The following SLC18A2 variants were observed in gnomAD, a reference collection of about 807,000 sequenced individuals.
SLC18A2 encodes the protein solute carrier family 18 member A2, also known as synaptic vesicular amine transporter.
A neutral mutation model predicts 59.2 loss-of-function variants in SLC18A2; 33 were observed. That is an observed-to-expected ratio of 0.56 (90% CI 0.42 to 0.75). The LOEUF is 0.75. Ranked by LOEUF, SLC18A2 falls within the 30% of genes least tolerant of loss-of-function variation. The pLI, the probability that SLC18A2 is intolerant of heterozygous loss-of-function variation, is 0.00. For missense variants in SLC18A2, 569 were observed against 668.6 expected (o/e 0.85, Z 1.64); for synonymous variants, 228 against 253.5 (o/e 0.90, Z 0.95).
At chr10:117,254,252 A>C (rs1844200787) in intron 5 of SLC18A2, 121 bp downstream of exon 5, 1 of 1,180,996 alleles carries the variant, frequency 8.5e-7, no homozygotes. Context: ...GAAGGCACCC[A>C]CTTTCCTCTT....
chr10:117,242,061 T>C, intron 2 of SLC18A2: 1 of 372,506 alleles, frequency 2.7e-6, no homozygotes, highest in Non-Finnish European at 4.8e-6. Context: ...GAACTTATGT[T>C]TCCCCCTGAT....
intron 15 of SLC18A2, among the ~76,000 whole-genome samples, chr10:117,271,529 C>T (rs928720378): frequency 5.3e-5 from 8 of 152,226 alleles, no homozygotes; most frequent in Non-Finnish European, 7.3e-5. Flanking sequence ...GCACTGGGCA[C>T]TGGCCTTGTG....
chr10:117,256,526 G>A (rs186585359), intron 9 of SLC18A2, among the ~76,000 whole-genome samples: 99 of 152,336 alleles, frequency 6.5e-4, no homozygotes, highest in African/African-American at 2.2e-3. Flanking sequence ...GCTGGAGGGC[G>A]CCTGGGAGAA....
At chr10:117,252,112 C>T (rs1307086718) in intron 3 of SLC18A2, among the ~76,000 whole-genome samples, 1 of 140,886 alleles carries the variant, frequency 7.1e-6, no homozygotes, top group African/African-American at 2.7e-5. Context: ...GTGTGCACTA[C>T]TATGCCTGAC....
chr10:117,257,648 C>A (rs569982528), intron 9 of SLC18A2, 149 bp from the exon 10 acceptor site: 1 of 445,618 alleles, frequency 2.2e-6, no homozygotes, highest in Non-Finnish European at 4.0e-6. Flanking sequence ...TGATAAACAG[C>A]CTTTGCTGTC....
In SLC18A2 at chr10:117,270,056, CCTGA is replaced by C. The variant is rs1340679002; in HGVS notation, c.1187-11_1187-8del. ...CATCCGTTTTCTATACACTGTGTTC[CCTGA>C]CTGTCTTCAGGAATGGTGGATTCGT... On this transcript the variant is annotated splice_polypyrimidine_tract_variant and intron_variant, in intron 13 of 15. Transcript: ENST00000644641. The C allele has an allele frequency of 6.8e-5, 110 of 1,613,948 alleles. No homozygotes were observed. Among genetic ancestry groups the C allele is most frequent in the Non-Finnish European group, 8.6e-5 (102 of 1,179,906 alleles).
chr10:117,242,625 G>A (rs988117765), intron 2 of SLC18A2, among the ~76,000 whole-genome samples: 3 of 152,110 alleles, frequency 2.0e-5, no homozygotes, highest in Non-Finnish European at 4.4e-5. Context: ...AGTACCAACG[G>A]CATTAGTTCT....
intron 8 of SLC18A2, 29 bp downstream of exon 8, chr10:117,255,551 G>T: frequency 6.2e-7 from 1 of 1,614,148 alleles, no homozygotes. Context: ...GGGCCCTGGG[G>T]GAGGGGGCAT....
At position 117,262,780 on chromosome 10, in the gene SLC18A2, C is replaced by T. The variant is rs181965348; in HGVS notation, c.992-3953C>T. ...AACCTCCTGGGCTCAAGCTGTCCTC[C>T]TGCCTCAGCCTCTCAAAGTATTGGG... On this transcript the variant is annotated intron_variant, in intron 10 of 15. Transcript: ENST00000644641. Among the ~76,000 whole-genome samples, 385 of 152,318 alleles carry T rather than the reference C, an allele frequency of 2.5e-3. 1 individual carries two copies. The highest frequency in any genetic ancestry group is 6.0e-3 in the Admixed American group (92 of 15,304).
At chr10:117,250,714 C>T (rs557492795) in intron 3 of SLC18A2, among the ~76,000 whole-genome samples, 11 of 152,344 alleles carry the variant, frequency 7.2e-5, no homozygotes. Context: ...CCTCCCCGAG[C>T]CTCAGTGTTG....
rs1844412555 is a variant in SLC18A2, at chr10:117,270,469, A to G, written c.1440+6A>G. On this transcript the variant is annotated splice_donor_region_variant and intron_variant, in intron 15 of 15. Coordinates refer to ENST00000644641, the MANE Select transcript of SLC18A2 (RefSeq NM_003054.6). ...CTGCCAAAGAAGAAAAAATGGTAAGAAAAATTTAGGATGCAGTGAGCATTT... is the reference window on the plus strand; with the variant it reads ...CTGCCAAAGAAGAAAAAATGGTAAGGAAAATTTAGGATGCAGTGAGCATTT... 6.2e-7 allele frequency: 1 copy of G among 1,613,288 alleles called. No individual in the cohort carries two copies. Among genetic ancestry groups the G allele is most frequent in the South Asian group, 1.1e-5 (1 of 90,748 alleles).
At chr10:117,244,455 C>T (rs368574405) in intron 3 of SLC18A2, 142 bp downstream of exon 3, 14 of 690,324 alleles carry the variant, frequency 2.0e-5, no homozygotes, top group Middle Eastern at 2.6e-4. Context: ...AGTCCCCTTC[C>T]CCTATGTCTC....
rs1436967007 is a variant in SLC18A2 at position 117,277,981 on chromosome 10, A to G, written c.*715A>G. The stretch of plus-strand genomic sequence containing the variant: ...GAAAAACAGTAAATGTTCCGAAAGC[A>G]GAGAAAAGCAACCAAACATATTGTT... On this transcript the variant is annotated 3_prime_UTR_variant, in exon 16 of 16. Transcript: ENST00000644641. 1.3e-5 allele frequency: 2 copies of G among 152,256 alleles called. No individual in the cohort carries two copies. The highest frequency in any genetic ancestry group is 4.1e-4 in the South Asian group (2 of 4,836). The allele number at this position is 152,256 out of a possible 1,614,324, so 9.4% of individuals were successfully genotyped here.
At chr10:117,245,626 T>A (rs1844102686) in intron 3 of SLC18A2, among the ~76,000 whole-genome samples, 1 of 151,764 alleles carries the variant, frequency 6.6e-6, no homozygotes, top group Admixed American at 6.6e-5. Context: ...TGCCCCACAT[T>A]CAAACATTAT....
Position 117,255,479 on chromosome 10 carries a change from C to T in SLC18A2, c.791C>T (p.Ala264Val). The T allele has an allele frequency of 1.2e-6, 2 of 1,614,058 alleles. No individual in the cohort carries two copies. The highest frequency in any genetic ancestry group is 1.7e-6 in the Non-Finnish European group (2 of 1,180,032). ...VLAALVLLDG[A>V]IQLFVLQPSR... ...TGTCTTTTTTATTTTTATTTTTTAG[C>T]TATTCAGCTCTTTGTGCTCCAGCCG... The change falls in exon 8 of 16, where the codon GCT becomes GTT. Residue 264 changes from alanine to valine, a missense_variant and splice_region_variant. Transcript: ENST00000644641.
intron 11 of SLC18A2, 82 bp from the exon 12 acceptor site, chr10:117,266,902 T>C: frequency 6.4e-7 from 1 of 1,556,342 alleles, no homozygotes; most frequent in Non-Finnish European, 8.8e-7. Flanking sequence ...CTGTTACAAG[T>C]AATTGTTTTG....
chr10:117,271,943 CTG>C (rs374181103), intron 15 of SLC18A2, among the ~76,000 whole-genome samples: 55 of 151,930 alleles, frequency 3.6e-4, no homozygotes, highest in African/African-American at 1.2e-3. Context: ...TTGTGTGTGT[CTG>C]TGTGTGTGTG....
intron 15 of SLC18A2, among the ~76,000 whole-genome samples, chr10:117,273,100 A>G (rs77833397): frequency 0.012 from 1,852 of 152,338 alleles, 39 homozygotes; most frequent in African/African-American, 0.039. Flanking sequence ...AAGCTGTTTT[A>G]TATTGTAAGA....
At position 117,242,512 on chromosome 10, in the gene SLC18A2, G is replaced by A. The variant is rs150376548; in HGVS notation, c.121+698G>A. ...ATTTAGACTGTAAGTGGTGGGAGCT[G>A]TTTCCTTTCTCTCCATTTGCAGGTT... On this transcript the variant is annotated intron_variant, in intron 2 of 15. Transcript: ENST00000644641. 4.5e-4 allele frequency among the ~76,000 whole-genome samples: 69 copies of A among 152,192 alleles called. No homozygotes were observed. In the East Asian group the frequency reaches 0.013, roughly 29 times the overall value.
Sources: gnomAD v4.1 joint callset for allele counts (sites outside exome capture counted in the v4.1 genomes callset) on GRCh38, gnomAD v4.1.1 for gene constraint, MANE v1.5 for transcripts, NCBI Gene and HGNC (gene_info 2026-07-23, HGNC 2026-07-21) for gene names.